AKT3: variants seen among roughly 807,000 people sequenced by gnomAD.
The protein encoded by AKT3 is AKT serine/threonine kinase 3, also known as RAC-gamma serine/threonine-protein kinase.
A neutral mutation model predicts 65.3 loss-of-function variants in AKT3; 15 were observed. That is an observed-to-expected ratio of 0.23 (90% CI 0.15 to 0.35). The LOEUF is 0.35. Ranked by LOEUF, AKT3 falls within the 10% of genes least tolerant of loss-of-function variation. The probability of loss-of-function intolerance (pLI) is 1.00; values close to 1 mark genes in which losing one functional copy is unlikely to be tolerated. For missense variants in AKT3, 243 were observed against 576.5 expected (o/e 0.42, Z 5.92); for synonymous variants, 206 against 183.8 (o/e 1.12, Z -0.98).
intron 8 of AKT3, among the ~76,000 whole-genome samples, chr1:243,593,202 C>G (rs1676356473): frequency 6.6e-6 from 1 of 152,080 alleles, no homozygotes; most frequent in Non-Finnish European, 1.5e-5. Flanking sequence ...AATACAAAAC[C>G]AGACAGAACT....
At position 243,512,311 on chromosome 1, in the gene AKT3, TA is replaced by T; in HGVS notation, c.1354+12del. The T allele has an allele frequency of 5.8e-6, 8 of 1,379,590 alleles. No homozygotes were observed. Among genetic ancestry groups the T allele is most frequent in the Non-Finnish European group, 8.0e-6 (8 of 1,000,674 alleles). The allele number at this position is 1,379,590 out of a possible 1,614,324, so 85.5% of individuals were successfully genotyped here. On this transcript the variant is annotated intron_variant, in intron 13 of 13. Transcript: ENST00000673466. ...TATTAGAAATTTATCAATTGCCTTC[TA>T]AATTTACTTACATTTTTCAGGTGGT...
chr1:243,613,955 A>G lies in AKT3; in HGVS notation c.628-216T>C, dbSNP rs140324141. On this transcript the variant is annotated intron_variant, in intron 7 of 13. Coordinates refer to ENST00000673466, the MANE Select transcript of AKT3 (RefSeq NM_005465.7). ...AATAGGTATTATTACAAGAAAAACT[A>G]AAATTAAAATTTCAAGTAAAAGTAA... Among the ~76,000 whole-genome samples, 355 of 151,100 alleles carry G rather than the reference A, an allele frequency of 2.3e-3. 3 individuals carry two copies. The highest frequency in any genetic ancestry group is 8.4e-3 in the African/African-American group (338 of 40,376).
chr1:243,619,298 T>A (rs1678566853), intron 6 of AKT3, among the ~76,000 whole-genome samples: 1 of 152,172 alleles, frequency 6.6e-6, no homozygotes, highest in Non-Finnish European at 1.5e-5. Context: ...ATATGTGTAA[T>A]GACCAAATTA....
chr1:243,739,165 C>T (rs1399460168), intron 2 of AKT3, among the ~76,000 whole-genome samples: 1 of 152,076 alleles, frequency 6.6e-6, no homozygotes, highest in African/African-American at 2.4e-5. Context: ...GTGACACATA[C>T]ATGTAATTTT....
intron 5 of AKT3, among the ~76,000 whole-genome samples, chr1:243,643,915 A>G (rs1323704426): frequency 2.0e-5 from 3 of 152,254 alleles, no homozygotes; most frequent in Non-Finnish European, 4.4e-5. Context: ...GTATAGTTCT[A>G]GAATCATTTA....
At chr1:243,596,000 T>C (rs1473570270) in intron 8 of AKT3, among the ~76,000 whole-genome samples, 1 of 152,234 alleles carries the variant, frequency 6.6e-6, no homozygotes, top group Non-Finnish European at 1.5e-5. Context: ...TACACCAGCA[T>C]CACCAAAACA....
At chr1:243,753,878 A>T (rs1177735816) in intron 2 of AKT3, among the ~76,000 whole-genome samples, 1 of 152,216 alleles carries the variant, frequency 6.6e-6, no homozygotes, top group African/African-American at 2.4e-5. Context: ...AGCCTTCTAT[A>T]AAGCAAAGAT....
chr1:243,799,045 G>A (rs1012337544), intron 2 of AKT3, among the ~76,000 whole-genome samples: 1 of 152,176 alleles, frequency 6.6e-6, no homozygotes, highest in Non-Finnish European at 1.5e-5. Flanking sequence ...GACTGACATA[G>A]GACTGGTCTG....
At chr1:243,567,073 A>C (rs1469489408) in intron 9 of AKT3, among the ~76,000 whole-genome samples, 1 of 152,176 alleles carries the variant, frequency 6.6e-6, no homozygotes, top group African/African-American at 2.4e-5. Flanking sequence ...TGAGCTCAGG[A>C]GTTCAAGACC....
At chr1:243,822,235 C>G (rs1368602943) in intron 2 of AKT3, among the ~76,000 whole-genome samples, 1 of 151,978 alleles carries the variant, frequency 6.6e-6, no homozygotes, top group East Asian at 1.9e-4. Flanking sequence ...TCAATGAAAA[C>G]AAAGAGACAA....
At chr1:243,763,828 A>G (rs921309196) in intron 2 of AKT3, among the ~76,000 whole-genome samples, 4 of 152,144 alleles carry the variant, frequency 2.6e-5, no homozygotes, top group African/African-American at 9.6e-5. Context: ...ATTTCCTTTA[A>G]GGTTTAAAAC....
At chr1:243,628,940 C>T (rs1228539277) in intron 6 of AKT3, among the ~76,000 whole-genome samples, 2 of 152,230 alleles carry the variant, frequency 1.3e-5, no homozygotes, top group Admixed American at 6.5e-5. Context: ...TGGCCATTTG[C>T]CTGGCCATAT....
At chr1:243,802,198 T>C (rs902862823) in intron 2 of AKT3, among the ~76,000 whole-genome samples, 1 of 152,122 alleles carries the variant, frequency 6.6e-6, no homozygotes. Flanking sequence ...TGGCTTAATT[T>C]CTCTTTCCTC....
intron 5 of AKT3, among the ~76,000 whole-genome samples, chr1:243,642,373 G>A (rs576991143): frequency 2.6e-5 from 4 of 152,222 alleles, no homozygotes; most frequent in African/African-American, 7.2e-5. Flanking sequence ...GCAGTGGCAC[G>A]ATCTCGGCTC....
At chr1:243,733,772 G>T (rs1273702360) in intron 2 of AKT3, among the ~76,000 whole-genome samples, 1 of 152,092 alleles carries the variant, frequency 6.6e-6, no homozygotes, top group African/African-American at 2.4e-5. Context: ...TAAAAAGTAC[G>T]TATCTTAATT....
Position 243,500,273 on chromosome 1 carries a change from T to TTTTA in AKT3, c.*4972_*4975dup, listed in dbSNP as rs554842444. 1.3e-5 allele frequency: 3 copies of TTTTA among 226,646 alleles called. No homozygotes were observed. The highest frequency in any genetic ancestry group is 2.6e-5 in the Non-Finnish European group (3 of 116,098). The allele number at this position is 226,646 out of a possible 1,614,324, so 14.0% of individuals were successfully genotyped here. ...TTAATCAATGTCCCATCAGACTCCA[T>TTTTA]TTTATTTATTTATCGTCCTACTTTG... On this transcript the variant is annotated 3_prime_UTR_variant, in exon 14 of 14. Coordinates refer to ENST00000673466, the MANE Select transcript of AKT3 (RefSeq NM_005465.7).
intron 2 of AKT3, among the ~76,000 whole-genome samples, chr1:243,811,810 G>C (rs1319827721): frequency 6.6e-6 from 1 of 152,116 alleles, no homozygotes; most frequent in Non-Finnish European, 1.5e-5. Flanking sequence ...CATGGTACTG[G>C]TACCAAAACA....
At chr1:243,841,597 C>T (rs1451641699) in intron 2 of AKT3, among the ~76,000 whole-genome samples, 1 of 152,146 alleles carries the variant, frequency 6.6e-6, no homozygotes. Context: ...CGGAAAACAG[C>T]TGGGCAGTTT....
At chr1:243,812,674 A>C (rs973318466) in intron 2 of AKT3, among the ~76,000 whole-genome samples, 1 of 152,214 alleles carries the variant, frequency 6.6e-6, no homozygotes. Flanking sequence ...TAGTGGGTAC[A>C]TACCCAAAGG....
Sources: allele counts gnomAD v4.1 joint callset (sites outside exome capture counted in the v4.1 genomes callset), GRCh38; gene constraint gnomAD v4.1.1; transcripts MANE v1.5; gene names NCBI Gene and HGNC (gene_info 2026-07-23, HGNC 2026-07-21).